The following DCDC1 variants were observed in gnomAD, a reference collection of about 807,000 sequenced individuals.
The protein encoded by DCDC1 is doublecortin domain containing 1.
Under a neutral mutation model 178.3 loss-of-function variants are expected in DCDC1, and 200 were observed. That is an observed-to-expected ratio of 1.12 (90% CI 1.00 to 1.26). DCDC1 has a LOEUF of 1.26. Ranked by LOEUF, DCDC1 falls within the 50% of genes most tolerant of loss-of-function variation. The pLI, the probability that DCDC1 is intolerant of heterozygous loss-of-function variation, is 0.00. For missense variants in DCDC1, 1,983 were observed against 1,749.2 expected, an observed-to-expected ratio of 1.13 and a Z score of -2.38; for synonymous variants, 690 against 604.8, an observed-to-expected ratio of 1.14 and a Z score of -2.07.
chr11:31,214,466 G>C (rs1198104086), intron 9 of DCDC1, among the ~76,000 whole-genome samples: 1 of 152,124 alleles, frequency 6.6e-6, no homozygotes, highest in Non-Finnish European at 1.5e-5. Context: ...CACACAGCAG[G>C]ATCTAGAGGA....
At chr11:31,273,449 T>C (rs943330554) in intron 7 of DCDC1, among the ~76,000 whole-genome samples, 4 of 152,046 alleles carry the variant, frequency 2.6e-5, no homozygotes, top group African/African-American at 7.2e-5. Context: ...ATACCACAAG[T>C]CTCTTTGCTA....
intron 9 of DCDC1, among the ~76,000 whole-genome samples, chr11:31,220,199 A>G (rs1008872600): frequency 7.2e-5 from 11 of 152,328 alleles, no homozygotes; most frequent in Middle Eastern, 3.4e-3. Flanking sequence ...AAAACACTCA[A>G]TAAGGATTAT....
At chr11:31,334,153 C>A (rs571531570) in intron 2 of DCDC1, among the ~76,000 whole-genome samples, 6 of 152,160 alleles carry the variant, frequency 3.9e-5, no homozygotes, top group Non-Finnish European at 7.3e-5. Flanking sequence ...GATACTCTTT[C>A]TTCTACTTGA....
chr11:30,976,549 G>C (rs987968673), intron 20 of DCDC1, among the ~76,000 whole-genome samples: 5 of 149,870 alleles, frequency 3.3e-5, no homozygotes, highest in Non-Finnish European at 7.4e-5. Flanking sequence ...AAAAAAAAAA[G>C]ACATACAGAT....
chr11:30,947,732 A>G (rs1948138094), intron 21 of DCDC1, among the ~76,000 whole-genome samples: 1 of 152,194 alleles, frequency 6.6e-6, no homozygotes, highest in African/African-American at 2.4e-5. Flanking sequence ...CATCAAGCTA[A>G]AAAGCTTCTG....
At chr11:30,904,426 T>C (rs1162401480) in intron 31 of DCDC1, 1 of 159,152 alleles carries the variant, frequency 6.3e-6, no homozygotes, top group Non-Finnish European at 1.4e-5. Context: ...CAAAGCTGGG[T>C]TTGGGCCTTC....
chr11:31,081,058 T>G (rs1957139308), intron 17 of DCDC1, among the ~76,000 whole-genome samples: 1 of 152,176 alleles, frequency 6.6e-6, no homozygotes, highest in African/African-American at 2.4e-5. Flanking sequence ...ACAGAAAAGA[T>G]GTCCACCAAG....
At chr11:31,121,254 A>G (rs530170027) in intron 11 of DCDC1, among the ~76,000 whole-genome samples, 1 of 151,930 alleles carries the variant, frequency 6.6e-6, no homozygotes, top group Non-Finnish European at 1.5e-5. Context: ...ACGAGTGCAC[A>G]TGAAAATGAC....
At chr11:31,046,541 C>T (rs1488075066) in intron 20 of DCDC1, among the ~76,000 whole-genome samples, 1 of 149,250 alleles carries the variant, frequency 6.7e-6, no homozygotes, top group Non-Finnish European at 1.5e-5. Flanking sequence ...AAGTTAAATT[C>T]ATTGAAAAAG....
intron 6 of DCDC1, among the ~76,000 whole-genome samples, chr11:31,304,386 TA>T (rs1472263546): frequency 6.6e-6 from 1 of 152,150 alleles, no homozygotes; most frequent in African/African-American, 2.4e-5. Flanking sequence ...TGTTTTTATA[TA>T]AGCAAATGAT....
chr11:31,253,646 A>T (rs1944220586), intron 8 of DCDC1, among the ~76,000 whole-genome samples: 3 of 152,174 alleles, frequency 2.0e-5, no homozygotes, highest in Admixed American at 2.0e-4. Flanking sequence ...TTGCAGGCTG[A>T]CCTGCCTTGT....
chr11:30,898,985 T>C (rs1427233803), intron 34 of DCDC1, among the ~76,000 whole-genome samples: 3 of 152,112 alleles, frequency 2.0e-5, no homozygotes, highest in Non-Finnish European at 2.9e-5. Flanking sequence ...TTAAAGAGAA[T>C]GGAAGAAGGA....
intron 38 of DCDC1, among the ~76,000 whole-genome samples, chr11:30,877,729 G>T (rs891989056): frequency 6.6e-6 from 1 of 152,064 alleles, no homozygotes; most frequent in Non-Finnish European, 1.5e-5. Context: ...GAAGAAGAAA[G>T]CATTGATTTG....
At chr11:30,907,562 T>C (rs1945150917) in intron 29 of DCDC1, among the ~76,000 whole-genome samples, 1 of 152,142 alleles carries the variant, frequency 6.6e-6, no homozygotes, top group Admixed American at 6.5e-5. Context: ...TTAGCTGCCA[T>C]TGGAACCCCG....
chr11:31,106,039 T>C (rs375798861), intron 13 of DCDC1, among the ~76,000 whole-genome samples: 1 of 152,206 alleles, frequency 6.6e-6, no homozygotes, highest in Non-Finnish European at 1.5e-5. Context: ...TGTCAAAATA[T>C]GCATAAATTT....
At chr11:31,102,078 G>GAA (rs878873961) in intron 15 of DCDC1, 99 bp downstream of exon 15, 13,735 of 374,076 alleles carry the variant, frequency 0.037, no homozygotes, top group South Asian at 0.052. Flanking sequence ...CTCCATCTCA[G>GAA]AAAAAAAAAA....
chr11:31,237,483 T>C (rs939312673), intron 9 of DCDC1, among the ~76,000 whole-genome samples: 1 of 151,822 alleles, frequency 6.6e-6, no homozygotes, highest in African/African-American at 2.4e-5. Flanking sequence ...TCCAAAAAAG[T>C]TAACTTGCTT....
chr11:31,192,482 C>G (rs1045359382), intron 9 of DCDC1, among the ~76,000 whole-genome samples: 2 of 152,148 alleles, frequency 1.3e-5, no homozygotes, highest in Non-Finnish European at 2.9e-5. Context: ...AGCCACTGCT[C>G]TTTGACAGAA....
intron 9 of DCDC1, among the ~76,000 whole-genome samples, chr11:31,144,714 G>A (rs1964250878): frequency 6.6e-6 from 1 of 151,670 alleles, no homozygotes; most frequent in Non-Finnish European, 1.5e-5. Flanking sequence ...TTTCTTTTAT[G>A]TTGTATGTTT....
Sources: allele counts gnomAD v4.1 joint callset (sites outside exome capture counted in the v4.1 genomes callset), GRCh38; gene constraint gnomAD v4.1.1; transcripts MANE v1.5; gene names NCBI Gene and HGNC (gene_info 2026-07-23, HGNC 2026-07-21).